Variants in RBM4 observed in about 807,000 individuals in gnomAD.
RBM4 encodes the protein RNA binding motif protein 4, also known as RNA-binding protein 4.
RBM4 carries 7 observed loss-of-function variants against 29.5 expected under a neutral mutation model. That is an observed-to-expected ratio of 0.24 (90% CI 0.14 to 0.45). The LOEUF is 0.45. Among genes scored for constraint, RBM4 ranks in the 20% least tolerant of loss-of-function variants. The pLI is 1.00. For synonymous variants in RBM4, 220 were observed against 205.4 expected (o/e 1.07, Z -0.61); for missense variants, 387 against 502.3 (o/e 0.77, Z 2.19).
Position 66,643,880 on chromosome 11 carries a change from AGCTGCTGCCACAGCT to A in RBM4, c.852_866del (p.Thr285_Ala289del), listed in dbSNP as rs756467276. On this transcript the variant is annotated inframe_deletion, in exon 3 of 4. Transcript: ENST00000310092. The surrounding 1 kb of genome is among the most constrained non-coding windows in gnomAD (Gnocchi z 6.1). The stretch of plus-strand genomic sequence containing the variant: ...ATAGACACCTGTTGCCGACCTCAGG[AGCTGCTGCCACAGCT>A]GCTGCTGCAGCAGCAGCCGCTGCTG... The A allele has an allele frequency of 1.8e-5, 29 of 1,613,366 alleles. No individual in the cohort carries two copies. The highest frequency in any genetic ancestry group is 4.4e-5 in the South Asian group (4 of 91,042).
intron 2 of RBM4, among the ~76,000 whole-genome samples, chr11:66,653,478 C>T (rs1938876602): frequency 6.6e-6 from 1 of 151,320 alleles, no homozygotes; most frequent in South Asian, 2.1e-4. Context: ...TCTCCTGTCT[C>T]AGCCTTCCGA....
downstream of RBM4, chr11:66,646,502 G>T: frequency 1.0e-6 from 1 of 990,158 alleles, no homozygotes; most frequent in Non-Finnish European, 1.2e-6. Context: ...TCTTGCTTGG[G>T]CTTGTTTGGG....
At chr11:66,666,156 T>C (rs888158609) in exon 3 of RBM4, 22 of 761,014 alleles carry the variant, frequency 2.9e-5, no homozygotes, top group Non-Finnish European at 4.2e-5. Flanking sequence ...GTTCCCCTAA[T>C]TGACCAAATC....
downstream of RBM4, among the ~76,000 whole-genome samples, chr11:66,647,054 C>T (rs1479471120): frequency 6.6e-6 from 1 of 152,148 alleles, no homozygotes; most frequent in African/African-American, 2.4e-5. Context: ...GAGAAATGAC[C>T]CAACATATGA....
At chr11:66,657,682 C>CA (rs763265823) in intron 2 of RBM4, among the ~76,000 whole-genome samples, 1,705 of 27,712 alleles carry the variant, frequency 0.062, 101 homozygotes, top group African/African-American at 0.12. Flanking sequence ...GATTCCATCT[C>CA]AAAAAAAAAA....
At chr11:66,651,720 C>A (rs1938836219) in intron 2 of RBM4, among the ~76,000 whole-genome samples, 1 of 152,148 alleles carries the variant, frequency 6.6e-6, no homozygotes, top group Non-Finnish European at 1.5e-5. Context: ...TTATACACAA[C>A]AGAATTTTAT....
chr11:66,642,660 G>A (rs1938518846), intron 2 of RBM4, among the ~76,000 whole-genome samples: 1 of 152,104 alleles, frequency 6.6e-6, no homozygotes, highest in African/African-American at 2.4e-5. Context: ...ACTTTCCTCA[G>A]GCACGTTTTC....
intron 3 of RBM4, among the ~76,000 whole-genome samples, chr11:66,645,670 T>G (rs921914014): frequency 6.6e-6 from 1 of 152,152 alleles, no homozygotes; most frequent in South Asian, 2.1e-4. Context: ...AGGGAGCTAA[T>G]TGGAACCTTT....
chr11:66,639,388 A>G (rs971238610), intron 1 of RBM4: 4 of 336,840 alleles, frequency 1.2e-5, no homozygotes, highest in African/African-American at 6.3e-5. Flanking sequence ...GTGGATAGAA[A>G]AGCCTAGTAC....
downstream of RBM4, among the ~76,000 whole-genome samples, chr11:66,647,324 G>A (rs1197779867): frequency 6.6e-6 from 1 of 152,152 alleles, no homozygotes; most frequent in Admixed American, 6.6e-5. Context: ...TCTTTACTTC[G>A]ATAGTTTCTC....
rs775910343 is a variant in RBM4, at chr11:66,643,913, C to A, written c.876C>A (p.Ala292=). ...AAATAAAAAA[A]AAAVTAASTS... ...CCACAGCTGCTGCTGCAGCAGCAGC[C>A]GCTGCTGCTGTTACTGCAGCTTCCA... The change falls in exon 3 of 4, where the codon GCC becomes GCA. Residue 292 remains alanine, a synonymous_variant. Coordinates refer to ENST00000310092, the MANE Select transcript of RBM4 (RefSeq NM_002896.4). The surrounding 1 kb of genome is among the most constrained non-coding windows in gnomAD (Gnocchi z 6.1). 4 of 1,608,932 alleles carry A rather than the reference C, an allele frequency of 2.5e-6. No individual in the cohort carries two copies. The African/African-American group carries it at 4.0e-5, about 16-fold the overall frequency.
rs147412639 is a variant in RBM4 at position 66,658,270 on chromosome 11, C to T, written c.413-7586C>T. Among the ~76,000 whole-genome samples the T allele has an allele frequency of 5.9e-3, 806 of 136,902 alleles. 10 individuals carry two copies. The highest frequency in any genetic ancestry group is 0.02 in the African/African-American group (741 of 36,234). 89.8% of individuals were successfully genotyped at this position (136,902 alleles called of 152,430 possible). A position where few individuals can be genotyped will look rare whatever the true frequency, so the allele number is the denominator to read the frequency against. On this transcript the variant is annotated intron_variant, in intron 2 of 2. Coordinates refer to the RBM4 transcript ENST00000396053. The stretch of plus-strand genomic sequence containing the variant: ...TTTGAACTCCCGACCTCAGGTAATC[C>T]GCCTGCCTCGGCCTCCCAAAATGCT...
chr11:66,649,023 T>G (rs576549503), downstream of RBM4, among the ~76,000 whole-genome samples: 2 of 151,644 alleles, frequency 1.3e-5, no homozygotes, highest in Non-Finnish European at 2.9e-5. Flanking sequence ...TTGTTTTTGT[T>G]TTTTGAGACA....
chr11:66,668,048 G>A (rs1939311477), exon 3 of RBM4: 1 of 152,904 alleles, frequency 6.5e-6, no homozygotes, highest in African/African-American at 2.4e-5. Context: ...TAAAGTAATA[G>A]TTAAAATTCT....
At chr11:66,663,513 C>T (rs1450963615) in intron 2 of RBM4, among the ~76,000 whole-genome samples, 7 of 152,062 alleles carry the variant, frequency 4.6e-5, no homozygotes, top group African/African-American at 1.7e-4. Flanking sequence ...TACAGGCGCC[C>T]GCCACCACAT....
intron 1 of RBM4, 46 bp from the exon 2 acceptor site, chr11:66,639,654 T>C (rs1390537226): frequency 6.3e-7 from 1 of 1,588,692 alleles, no homozygotes; most frequent in South Asian, 1.1e-5. Context: ...TGTGAACGGA[T>C]GTGGGCCTGA....
intron 2 of RBM4, chr11:66,665,682 AAG>A: frequency 2.6e-6 from 4 of 1,514,582 alleles, no homozygotes; most frequent in South Asian, 1.2e-5. Context: ...GGGGAAAAAA[AAG>A]AACAAAACAA....
At chr11:66,649,921 T>G, downstream of RBM4, 1 of 558,598 alleles carries the variant, frequency 1.8e-6, no homozygotes. Flanking sequence ...AAACTGATTT[T>G]TTTCCCCCAT....
downstream of RBM4, among the ~76,000 whole-genome samples, chr11:66,649,455 G>A (rs769492692): frequency 8.5e-5 from 13 of 152,316 alleles, no homozygotes; most frequent in Non-Finnish European, 1.5e-4. Context: ...GAAGCGGGAG[G>A]ATAGTTTGAG....
Sources: allele counts gnomAD v4.1 joint callset (sites outside exome capture counted in the v4.1 genomes callset), GRCh38; gene constraint gnomAD v4.1.1; non-coding constraint Gnocchi (gnomAD v3.1); transcripts MANE v1.5; gene names NCBI Gene and HGNC (gene_info 2026-07-23, HGNC 2026-07-21).